TARM1: variants seen among roughly 807,000 people sequenced by gnomAD.
TARM1 encodes the protein T cell-interacting, activating receptor on myeloid cells 1.
In TARM1, 24 loss-of-function variants were observed where a neutral mutation model predicts 30.4. The ratio of observed to expected loss-of-function variants is 0.79; its 90% CI spans 0.57 to 1.11. TARM1 has a LOEUF of 1.11. TARM1 is among the 50% of genes least tolerant of loss of function. TARM1 has a pLI of 0.00. For missense variants in TARM1, 323 were observed against 332.8 expected (o/e 0.97, Z 0.23); for synonymous variants, 129 against 138.9 (o/e 0.93, Z 0.50).
intron 1 of TARM1, among the ~76,000 whole-genome samples, chr19:54,080,518 GGAAGGAAGGA>G: frequency 1.4e-5 from 2 of 143,774 alleles, no homozygotes; most frequent in African/African-American, 5.2e-5. Context: ...AAGGAAGGAA[GGAAGGAAGGA>G]AGGAAGGAAG....
intron 1 of TARM1, chr19:54,076,217 C>T: frequency 6.6e-7 from 1 of 1,514,324 alleles, no homozygotes; most frequent in Non-Finnish European, 8.8e-7. Flanking sequence ...CTCATTCTTA[C>T]CATTTCTTTC....
chr19:54,078,178 C>CTTTT (rs869101071), intron 1 of TARM1, among the ~76,000 whole-genome samples: 40 of 67,802 alleles, frequency 5.9e-4, no homozygotes, highest in Non-Finnish European at 8.0e-4. Flanking sequence ...TTCTTTCTTT[C>CTTTT]TTTTTTTTTT....
rs2072072082 is a variant in TARM1, at chr19:54,080,128, G to GAAAGAAAGAAAGAAAGAAAGA, written c.34+1178_34+1179insTCTTTCTTTCTTTCTTTCTTT. Among the ~76,000 whole-genome samples, 4 of 38,764 alleles carry GAAAGAAAGAAAGAAAGAAAGA rather than the reference G, an allele frequency of 1.0e-4. 1 individual carries two copies. Among genetic ancestry groups the GAAAGAAAGAAAGAAAGAAAGA allele is most frequent in the Admixed American group, 3.0e-4 (1 of 3,282 alleles). 25.4% of individuals were successfully genotyped at this position (38,764 alleles called of 152,430 possible). A position where few individuals can be genotyped will look rare whatever the true frequency, so the allele number is the denominator to read the frequency against. ...GGAAGGAAGGAAGGAAGGAAGGAAGGAAGGAAGGAAGAAAGCAAGCAAGCA... is the reference window on the plus strand; with the variant it reads ...GGAAGGAAGGAAGGAAGGAAGGAAGGAAAGAAAGAAAGAAAGAAAGAAAGGAAGGAAGAAAGCAAGCAAGCA... On this transcript the variant is annotated intron_variant, in intron 1 of 4. Transcript: ENST00000432826.
chr19:54,077,947 TG>T (rs1324577585), intron 1 of TARM1, among the ~76,000 whole-genome samples: 2 of 151,830 alleles, frequency 1.3e-5, no homozygotes, highest in Non-Finnish European at 2.9e-5. Flanking sequence ...CCCAAGTAGC[TG>T]GGATTACAGC....
intron 1 of TARM1, among the ~76,000 whole-genome samples, chr19:54,080,113 AAGG>A (rs2072068211): frequency 3.2e-5 from 1 of 31,402 alleles, no homozygotes; most frequent in Non-Finnish European, 7.0e-5. Flanking sequence ...GGAAGGAAGG[AAGG>A]AAGGAAGGAA....
At chr19:54,071,757 G>C (rs587617755) in intron 4 of TARM1, among the ~76,000 whole-genome samples, 20 of 152,188 alleles carry the variant, frequency 1.3e-4, no homozygotes, top group Admixed American at 1.2e-3. Context: ...CCTGGGGTTG[G>C]GGGGTGGAGG....
intron 1 of TARM1, among the ~76,000 whole-genome samples, chr19:54,080,375 G>A (rs1600215881): frequency 6.8e-6 from 1 of 148,052 alleles, no homozygotes; most frequent in South Asian, 2.2e-4. Context: ...GGAGAATGGC[G>A]TGAACCCGGG....
intron 2 of TARM1, 43 bp from the exon 3 acceptor site, chr19:54,075,157 C>G: frequency 1.3e-6 from 2 of 1,496,632 alleles, no homozygotes; most frequent in African/African-American, 1.4e-5. Flanking sequence ...ATGCCCTCCC[C>G]TGCTCTCAGG....
At position 54,080,121 on chromosome 19, in the gene TARM1, AAGGAAGGAAGGAAGG is replaced by A. The variant is rs2072070379; in HGVS notation, c.34+1171_34+1185del. 1.5e-3 allele frequency among the ~76,000 whole-genome samples: 64 copies of A among 42,374 alleles called. 4 individuals carry two copies. Among genetic ancestry groups the A allele is most frequent in the African/African-American group, 4.7e-3 (59 of 12,502 alleles). The allele number at this position is 42,374 out of a possible 152,430, so 27.8% of individuals were successfully genotyped here. ...GAAGGAAGGAAGGAAGGAAGGAAGG[AAGGAAGGAAGGAAGG>A]AAGAAAGCAAGCAAGCAAGCAAGCA... On this transcript the variant is annotated intron_variant, in intron 1 of 4. Coordinates refer to ENST00000432826, the MANE Select transcript of TARM1 (RefSeq NM_001135686.3).
Position 54,080,444 on chromosome 19 carries a change from C to T in TARM1, c.34+863G>A, listed in dbSNP as rs1477770551. On this transcript the variant is annotated intron_variant, in intron 1 of 4. Transcript: ENST00000432826. ...CTGCACTCCAGCCTGGGCGACAGAG[C>T]GAGACTCCATCTCAAAAAAAAAAAA... 4.1e-4 allele frequency among the ~76,000 whole-genome samples: 45 copies of T among 109,460 alleles called. 1 individual carries two copies. Among genetic ancestry groups the T allele is most frequent in the African/African-American group, 1.4e-3 (40 of 27,740 alleles). The allele number at this position is 109,460 out of a possible 152,430, so 71.8% of individuals were successfully genotyped here.
chr19:54,075,514 G>T (rs957054862), intron 2 of TARM1, among the ~76,000 whole-genome samples: 1 of 151,468 alleles, frequency 6.6e-6, no homozygotes, highest in Non-Finnish European at 1.5e-5. Context: ...AGGGAAGCGG[G>T]CTGGGTGCGG....
chr19:54,074,212 A>G lies in TARM1; in HGVS notation c.366T>C (p.His122=), dbSNP rs1406971300. The G allele has an allele frequency of 6.5e-7, 1 of 1,549,748 alleles. No individual in the cohort carries two copies. The highest frequency in any genetic ancestry group is 1.4e-5 in the African/African-American group (1 of 73,000). ...SDVLLLLVTG[H]LSKPFLRTYQ... ...AGGTTCGGAGGAAAGGTTTAGATAA[A>G]TGTCCTGTAAGAGAAGTCAGGTTCT... The change falls in exon 4 of 5, where the codon CAT becomes CAC. Residue 122 remains histidine, a synonymous_variant. Transcript: ENST00000432826.
chr19:54,075,772 A>G, intron 2 of TARM1, 111 bp downstream of exon 2: 2 of 1,278,220 alleles, frequency 1.6e-6, no homozygotes, highest in Non-Finnish European at 2.2e-6. Flanking sequence ...CAGCCTGGCG[A>G]AAGAGTGAGA....
intron 1 of TARM1, among the ~76,000 whole-genome samples, chr19:54,080,120 G>GAAAGAAAGAAAGAAAGA (rs2072069877): frequency 7.2e-5 from 2 of 27,726 alleles, no homozygotes; most frequent in African/African-American, 1.4e-4. Context: ...AGGAAGGAAG[G>GAAAGAAAGAAAGAAAGA]AAGGAAGGAA....
chr19:54,074,715 C>T (rs1221620587), intron 3 of TARM1, 109 bp downstream of exon 3: 63 of 1,185,168 alleles, frequency 5.3e-5, no homozygotes, highest in Non-Finnish European at 7.1e-5. Flanking sequence ...CTCCCTCTCC[C>T]ACCACCCCCA....
intron 1 of TARM1, among the ~76,000 whole-genome samples, chr19:54,079,291 G>A (rs1378184301): frequency 6.8e-6 from 1 of 147,028 alleles, no homozygotes; most frequent in African/African-American, 2.5e-5. Flanking sequence ...AAAGAAATTA[G>A]AATGGAGGTT....
At chr19:54,070,502 C>T (rs1025533814) in intron 4 of TARM1, among the ~76,000 whole-genome samples, 2 of 151,560 alleles carry the variant, frequency 1.3e-5, no homozygotes, top group Non-Finnish European at 2.9e-5. Context: ...TCAGGTGACC[C>T]GCCCACCTCA....
rs74869659 is a variant in TARM1, at chr19:54,076,058, C to T, written c.35-140G>A. 3.3e-3 allele frequency: 4,746 copies of T among 1,427,662 alleles called. 120 individuals are homozygous for T. The African/African-American group carries it at 0.057, about 17-fold the overall frequency. 88.4% of individuals were successfully genotyped at this position (1,427,662 alleles called of 1,614,324 possible). On this transcript the variant is annotated intron_variant, in intron 1 of 4. Coordinates refer to ENST00000432826, the MANE Select transcript of TARM1 (RefSeq NM_001135686.3). ...ATACGCTCAGGAGTTCTCATTCTCC[C>T]CACACTGGACTGTGGCTTCTGCTCG...
At chr19:54,077,356 G>T (rs1173991428) in intron 1 of TARM1, among the ~76,000 whole-genome samples, 1 of 151,610 alleles carries the variant, frequency 6.6e-6, no homozygotes, top group Non-Finnish European at 1.5e-5. Context: ...CTCCAGCCTG[G>T]CCACAGCGCG....
Sources: gnomAD v4.1 joint callset for allele counts (sites outside exome capture counted in the v4.1 genomes callset) on GRCh38, gnomAD v4.1.1 for gene constraint, MANE v1.5 for transcripts, NCBI Gene and HGNC (gene_info 2026-07-23, HGNC 2026-07-21) for gene names.